Variants in PCDHA8 observed in about 807,000 individuals in gnomAD.
PCDHA8 encodes the protein protocadherin alpha-8.
A neutral mutation model predicts 61.8 loss-of-function variants in PCDHA8; 53 were observed. The ratio of observed to expected loss-of-function variants is 0.86; its 90% CI spans 0.69 to 1.08. PCDHA8 has a LOEUF of 1.08. PCDHA8 is among the 50% of genes least tolerant of loss of function. PCDHA8 has a pLI of 0.00. For synonymous variants in PCDHA8, 618 were observed against 556.6 expected, an observed-to-expected ratio of 1.11 and a Z score of -1.55; for missense variants, 1,293 against 1,245.0, an observed-to-expected ratio of 1.04 and a Z score of -0.58.
chr5:140,987,277 A>C (rs1326809190), intron 3 of PCDHA8, among the ~76,000 whole-genome samples: 2 of 152,122 alleles, frequency 1.3e-5, no homozygotes, highest in African/African-American at 4.8e-5. Flanking sequence ...CCGGCAGTCT[A>C]TGTTTTAACA....
intron 1 of PCDHA8, chr5:140,849,838 T>A: frequency 6.3e-7 from 1 of 1,598,422 alleles, no homozygotes; most frequent in Non-Finnish European, 8.6e-7. Flanking sequence ...GTGGCCGACG[T>A]GAACGACAAC....
rs782344407 is a variant in PCDHA8 at position 140,928,808 on chromosome 5, G to T, written c.2395-50141G>T. 3.7e-6 allele frequency: 6 copies of T among 1,614,062 alleles called. No homozygotes were observed. In the Admixed American group the frequency reaches 1.0e-4, roughly 27 times the overall value. The stretch of plus-strand genomic sequence containing the variant: ...AAGCAGAGGGTGGTGGTAGTGGTTC[G>T]GGACCATGGAGACCCACCACTTTCC... On this transcript the variant is annotated intron_variant, in intron 1 of 3. Coordinates refer to ENST00000531613, the MANE Select transcript of PCDHA8 (RefSeq NM_018911.3).
At chr5:141,003,543 C>T (rs2098129407) in intron 3 of PCDHA8, among the ~76,000 whole-genome samples, 1 of 152,108 alleles carries the variant, frequency 6.6e-6, no homozygotes, top group Non-Finnish European at 1.5e-5. Context: ...GAACTCCTGG[C>T]TTCAAGTGAT....
At chr5:140,893,951 T>TTA (rs2064251628) in intron 1 of PCDHA8, among the ~76,000 whole-genome samples, 1 of 152,184 alleles carries the variant, frequency 6.6e-6, no homozygotes, top group Admixed American at 6.5e-5. Context: ...CTGCATGACT[T>TTA]TATTAGTCAT....
intron 1 of PCDHA8, chr5:140,851,237 G>C (rs782702575): frequency 3.6e-6 from 4 of 1,101,536 alleles, no homozygotes; most frequent in Non-Finnish European, 4.6e-6. Flanking sequence ...TTTATTTATT[G>C]CTAAATGATG....
At chr5:140,922,373 C>A (rs1337198160) in intron 1 of PCDHA8, among the ~76,000 whole-genome samples, 1 of 152,158 alleles carries the variant, frequency 6.6e-6, no homozygotes, top group African/African-American at 2.4e-5. Context: ...CACTGAGATG[C>A]AAAACCAAAG....
intron 3 of PCDHA8, among the ~76,000 whole-genome samples, chr5:140,989,272 T>C (rs1554250681): frequency 6.6e-6 from 1 of 152,204 alleles, no homozygotes. Flanking sequence ...AAGTTTCTGC[T>C]GGGGACATCT....
rs2082774108 is a variant in PCDHA8 at position 140,868,572 on chromosome 5, C to T, written c.2394+24857C>T. 4 of 152,854 alleles carry T rather than the reference C, an allele frequency of 2.6e-5. No individual in the cohort carries two copies. In the South Asian group the frequency reaches 6.2e-4, roughly 24 times the overall value. 9.5% of individuals were successfully genotyped at this position (152,854 alleles called of 1,614,324 possible). ...TAGTATTTTTATATGAGGAACAACA[C>T]TTTCAGGAAATGTTTAACCCTAGTT... On this transcript the variant is annotated intron_variant, in intron 1 of 3. Coordinates refer to ENST00000531613, the MANE Select transcript of PCDHA8 (RefSeq NM_018911.3).
In PCDHA8 at chr5:140,876,910, T is replaced by C. The variant is rs184817309; in HGVS notation, c.2394+33195T>C. On this transcript the variant is annotated intron_variant, in intron 1 of 3. Transcript: ENST00000531613. ...CTGCCACATCTTCACGGTGTCGGCA[T>C]GGGACGCGGACGCGCAGAAGAACGC... 5 of 1,613,976 alleles carry C rather than the reference T, an allele frequency of 3.1e-6. No individual in the cohort carries two copies. In the African/African-American group the frequency reaches 4.0e-5, roughly 13 times the overall value.
Position 140,853,680 on chromosome 5 carries a change from C to G in PCDHA8, c.2394+9965C>G, listed in dbSNP as rs142269623. 1,623 of 988,078 alleles carry G rather than the reference C, an allele frequency of 1.6e-3. 141 individuals are homozygous for G. The highest frequency in any genetic ancestry group is 5.6e-3 in the South Asian group (118 of 21,118). 61.2% of individuals were successfully genotyped at this position (988,078 alleles called of 1,614,324 possible). A position where few individuals can be genotyped will look rare whatever the true frequency, so the allele number is the denominator to read the frequency against. On this transcript the variant is annotated intron_variant, in intron 1 of 3. Transcript: ENST00000531613. Reference sequence around the variant, plus strand: ...AGACAAATTGGGGCCTATGGTCAACCTATCCTTAGACCTGCTAACGCATTA... The same window carrying G: ...AGACAAATTGGGGCCTATGGTCAACGTATCCTTAGACCTGCTAACGCATTA...
intron 1 of PCDHA8, chr5:140,868,276 C>T (rs2050375719): frequency 6.6e-6 from 1 of 151,768 alleles, no homozygotes; most frequent in African/African-American, 2.4e-5. Flanking sequence ...TTTAAAACTA[C>T]CAAGTTTGAG....
chr5:140,869,450 T>C, intron 1 of PCDHA8: 1 of 1,614,098 alleles, frequency 6.2e-7, no homozygotes, highest in Non-Finnish European at 8.5e-7. Flanking sequence ...CCGCTGCAGG[T>C]TTTCCATGTG....
intron 1 of PCDHA8, among the ~76,000 whole-genome samples, chr5:140,959,250 G>A (rs2095476529): frequency 6.6e-6 from 1 of 152,030 alleles, no homozygotes. Context: ...GATAGTGCAT[G>A]ACTGTAGTCC....
intron 1 of PCDHA8, among the ~76,000 whole-genome samples, chr5:140,936,092 C>T (rs941947685): frequency 1.3e-5 from 2 of 152,034 alleles, no homozygotes; most frequent in Admixed American, 6.6e-5. Context: ...AGGGTTTCAC[C>T]ATGTTGGCCA....
At chr5:140,934,245 T>C (rs2089728870) in intron 1 of PCDHA8, among the ~76,000 whole-genome samples, 1 of 152,158 alleles carries the variant, frequency 6.6e-6, no homozygotes, top group Non-Finnish European at 1.5e-5. Context: ...ATTGTGGAGA[T>C]TTATCAAAAT....
At chr5:140,942,705 T>TA (rs1220612434) in intron 1 of PCDHA8, among the ~76,000 whole-genome samples, 1 of 152,100 alleles carries the variant, frequency 6.6e-6, no homozygotes, top group Non-Finnish European at 1.5e-5. Flanking sequence ...AAATATGAAG[T>TA]AAAAGTATGA....
chr5:140,882,129 T>G lies in PCDHA8; in HGVS notation c.2394+38414T>G. 10 of 1,473,110 alleles carry G rather than the reference T, an allele frequency of 6.8e-6. No homozygotes were observed. The South Asian group carries it at 9.9e-5, about 15-fold the overall frequency. The allele number at this position is 1,473,110 out of a possible 1,614,324, so 91.3% of individuals were successfully genotyped here. On this transcript the variant is annotated intron_variant, in intron 1 of 3. Transcript: ENST00000531613. ...AAGAAAGCCGCCGTTTCTTTCTTCC[T>G]GCAGAAAATATAGCAGAAAGCGGAA...
At chr5:140,861,600 A>G (rs782505060) in intron 1 of PCDHA8, 3 of 371,010 alleles carry the variant, frequency 8.1e-6, no homozygotes, top group Non-Finnish European at 1.6e-5. Context: ...GAAAGTGAAG[A>G]ACAATAAAGA....
chr5:140,879,337 G>A (rs251379), intron 1 of PCDHA8, among the ~76,000 whole-genome samples: 101,683 of 152,024 alleles, frequency 0.67, 34,216 homozygotes, highest in Middle Eastern at 0.71. Flanking sequence ...AGTTTGTTCA[G>A]CTGAGAAGAT....
Sources: allele counts gnomAD v4.1 joint callset (sites outside exome capture counted in the v4.1 genomes callset), GRCh38; gene constraint gnomAD v4.1.1; transcripts MANE v1.5; gene names NCBI Gene and HGNC (gene_info 2026-07-23, HGNC 2026-07-21).